The following RYR2 variants were observed in gnomAD, a reference collection of about 807,000 sequenced individuals.
RYR2 encodes ryanodine receptor 2, also known as cardiac muscle ryanodine receptor-calcium release channel.
RYR2 carries 227 observed loss-of-function variants against 601.1 expected under a neutral mutation model. The observed-to-expected ratio is 0.38, with a 90% CI of 0.34 to 0.42. RYR2 has a LOEUF of 0.42. Among genes scored for constraint, RYR2 ranks in the 10% least tolerant of loss-of-function variants. RYR2 has a pLI of 1.00. For missense variants in RYR2, 4,646 were observed against 6,156.5 expected (o/e 0.75, Z 8.21); for synonymous variants, 2,223 against 2,175.1 (o/e 1.02, Z -0.61).
chr1:237,346,652 G>A (rs1177911255), intron 3 of RYR2, among the ~76,000 whole-genome samples: 1 of 152,134 alleles, frequency 6.6e-6, no homozygotes, highest in African/African-American at 2.4e-5. Context: ...AAAAAACTGG[G>A]AGAGTTCTGC....
intron 2 of RYR2, among the ~76,000 whole-genome samples, chr1:237,313,794 G>A (rs904616793): frequency 6.6e-6 from 1 of 151,846 alleles, no homozygotes; most frequent in Admixed American, 6.6e-5. Context: ...CTTTTGCTAG[G>A]GGTTACTGAA....
At chr1:237,444,114 G>A in intron 13 of RYR2, among the ~76,000 whole-genome samples, 1 of 151,998 alleles carries the variant, frequency 6.6e-6, no homozygotes, top group Non-Finnish European at 1.5e-5. Flanking sequence ...CCCATTCTTT[G>A]TGTTTTTACT....
chr1:237,416,517 A>G (rs1286667006), intron 10 of RYR2, among the ~76,000 whole-genome samples: 1 of 152,172 alleles, frequency 6.6e-6, no homozygotes, highest in Non-Finnish European at 1.5e-5. Flanking sequence ...GGATATTCAT[A>G]TTTTGATATA....
At chr1:237,350,455 C>T (rs921646057) in intron 3 of RYR2, among the ~76,000 whole-genome samples, 47 of 150,298 alleles carry the variant, frequency 3.1e-4, no homozygotes, top group African/African-American at 1.1e-3. Flanking sequence ...CCTGCAATCC[C>T]AGCTACTCGG....
At chr1:237,413,601 C>A (rs538077657) in intron 10 of RYR2, among the ~76,000 whole-genome samples, 1 of 151,980 alleles carries the variant, frequency 6.6e-6, no homozygotes, top group African/African-American at 2.4e-5. Flanking sequence ...GTTCCTCTAA[C>A]GTAATTAATG....
At chr1:237,454,357 C>A (rs181488062) in intron 14 of RYR2, 34 bp from the exon 15 acceptor site, 4 of 1,554,456 alleles carry the variant, frequency 2.6e-6, no homozygotes, top group South Asian at 2.5e-5. Context: ...TTGTGAATCA[C>A]TGACAATAGA....
chr1:237,646,924 T>C (rs562010884), intron 48 of RYR2, among the ~76,000 whole-genome samples: 20 of 152,174 alleles, frequency 1.3e-4, no homozygotes, highest in Non-Finnish European at 2.4e-4. Context: ...TCCGTGAGTC[T>C]TGAGTTACAG....
At chr1:237,159,812 A>AATCTGAACC (rs1675811012) in intron 1 of RYR2, among the ~76,000 whole-genome samples, 1 of 152,166 alleles carries the variant, frequency 6.6e-6, no homozygotes, top group Non-Finnish European at 1.5e-5. Flanking sequence ...AAAACATACA[A>AATCTGAACC]ATCTGAACCA....
At position 237,228,459 on chromosome 1, in the gene RYR2, A is replaced by G. The variant is rs1466763529; in HGVS notation, c.49-42038A>G. 2.6e-5 allele frequency among the ~76,000 whole-genome samples: 4 copies of G among 152,096 alleles called. No individual in the cohort carries two copies. In the East Asian group the frequency reaches 5.8e-4, roughly 22 times the overall value. ...ATGCATGTGCAAGTATCTTTTTCGT[A>G]TAATGCCTTCTTTTCCTCTGGGAAC... is the stretch of plus-strand genomic sequence containing the variant. On this transcript the variant is annotated intron_variant, in intron 1 of 104. Coordinates refer to ENST00000366574, the MANE Select transcript of RYR2 (RefSeq NM_001035.3).
rs746756224 is a variant in RYR2 at position 237,548,461 on chromosome 1, C to G, written c.2937C>G (p.Ala979=). Residue 979 remains alanine (A), a synonymous_variant, in exon 26 of 105, where the codon GCC becomes GCG. Transcript: ENST00000366574. ...NYQLTSGYKP[A]PMDLSFIKLT... is the part of the protein sequence containing the mutation. Reference sequence around the variant, plus strand: ...AGCTGACAAGTGGATACAAGCCTGCCCCTATGGACCTGAGCTTTATCAAAC... The same window carrying G: ...AGCTGACAAGTGGATACAAGCCTGCGCCTATGGACCTGAGCTTTATCAAAC... The G allele has an allele frequency of 6.2e-7, 1 of 1,613,884 alleles. No homozygotes were observed. Among genetic ancestry groups the G allele is most frequent in the Non-Finnish European group, 8.5e-7 (1 of 1,179,846 alleles).
At chr1:237,500,681 T>A in intron 20 of RYR2, 30 bp from the exon 21 acceptor site, 2 of 1,536,704 alleles carry the variant, frequency 1.3e-6, no homozygotes, top group Non-Finnish European at 1.8e-6. Context: ...AAAAAATACA[T>A]GACCTTCCTT....
At chr1:237,260,460 G>T (rs1688405763) in intron 1 of RYR2, among the ~76,000 whole-genome samples, 1 of 152,202 alleles carries the variant, frequency 6.6e-6, no homozygotes, top group Non-Finnish European at 1.5e-5. Context: ...TTTGTCCAGG[G>T]ATAGCAAAGA....
chr1:237,425,682 G>A (rs746544865), intron 12 of RYR2, among the ~76,000 whole-genome samples: 1 of 151,972 alleles, frequency 6.6e-6, no homozygotes, highest in Non-Finnish European at 1.5e-5. Context: ...TATGCCTTAG[G>A]TGGAAGTGGA....
At chr1:237,257,984 T>G (rs1158359498) in intron 1 of RYR2, among the ~76,000 whole-genome samples, 1 of 151,410 alleles carries the variant, frequency 6.6e-6, no homozygotes, top group African/African-American at 2.4e-5. Context: ...GCCAACATGG[T>G]GAAACCCTGT....
intron 1 of RYR2, among the ~76,000 whole-genome samples, chr1:237,243,690 G>A (rs1411572836): frequency 6.6e-6 from 1 of 152,186 alleles, no homozygotes; most frequent in African/African-American, 2.4e-5. Flanking sequence ...CAAGATTAGA[G>A]TCCTGCCTTG....
chr1:237,310,162 C>T (rs1161376580), intron 2 of RYR2, among the ~76,000 whole-genome samples: 1 of 152,152 alleles, frequency 6.6e-6, no homozygotes, highest in Non-Finnish European at 1.5e-5. Flanking sequence ...ACGCTGTCAC[C>T]TCTCAGATTG....
rs772152805 is a variant in RYR2, at chr1:237,819,679, G to A, written c.14590+487G>A. Reference sequence around the variant, plus strand: ...ACTAAAAATACAAAACTAGCCAGGCGTGGTGGCACACAGCTGTAATCCCAG... The same window carrying A: ...ACTAAAAATACAAAACTAGCCAGGCATGGTGGCACACAGCTGTAATCCCAG... On this transcript the variant is annotated intron_variant, in intron 101 of 104. Transcript: ENST00000366574. This position sits in a 1 kb window ranked among gnomAD's most constrained non-coding sequence, Gnocchi z 4.0. 9.9e-5 allele frequency among the ~76,000 whole-genome samples: 15 copies of A among 152,048 alleles called. No homozygotes were observed. The highest frequency in any genetic ancestry group is 2.1e-4 in the South Asian group (1 of 4,828).
chr1:237,773,223 C>T (rs541024850), intron 86 of RYR2, among the ~76,000 whole-genome samples: 4 of 152,306 alleles, frequency 2.6e-5, no homozygotes, highest in Admixed American at 2.0e-4. Flanking sequence ...CATAAATATG[C>T]TCCAGTCTTA....
In RYR2 at chr1:237,792,237, G is replaced by A. The variant is rs767716570; in HGVS notation, c.13696G>A (p.Gly4566Ser). The change falls in exon 94 of 105, where the codon GGC (glycine) becomes AGC (serine). Residue 4566 changes from glycine to serine, a missense_variant. Transcript: ENST00000366574. The stretch of plus-strand genomic sequence containing the variant: ...TCACTATGTACTAGAGGAGAGCAGC[G>A]GCTACATGGAGCCCACGTTGCGTAT... ...AVHYVLEESS[G>S]YMEPTLRILA... 6.2e-6 allele frequency: 10 copies of A among 1,613,582 alleles called. No homozygotes were observed. The highest frequency in any genetic ancestry group is 4.0e-5 in the African/African-American group (3 of 74,854).
Sources: allele counts gnomAD v4.1 joint callset (sites outside exome capture counted in the v4.1 genomes callset), GRCh38; gene constraint gnomAD v4.1.1; non-coding constraint Gnocchi (gnomAD v3.1); transcripts MANE v1.5; gene names NCBI Gene and HGNC (gene_info 2026-07-23, HGNC 2026-07-21).